The following PCDH15 variants were observed in gnomAD, a reference collection of about 807,000 sequenced individuals.
The protein encoded by PCDH15 is protocadherin related 15.
In PCDH15, 129 loss-of-function variants were observed where a neutral mutation model predicts 178.5. The ratio of observed to expected loss-of-function variants is 0.72; its 90% CI spans 0.63 to 0.84. The LOEUF (loss-of-function observed/expected upper bound fraction) is 0.84, where lower values mean the gene tolerates loss of function less well. Among genes scored for constraint, PCDH15 ranks in the 40% least tolerant of loss-of-function variants. The pLI, the probability that PCDH15 is intolerant of heterozygous loss-of-function variation, is 0.00. For synonymous variants in PCDH15, 800 were observed against 732.0 expected, an observed-to-expected ratio of 1.09 and a Z score of -1.50; for missense variants, 2,230 against 2,099.9, an observed-to-expected ratio of 1.06 and a Z score of -1.21.
chr10:55,604,961 G>A (rs1285221726), intron 2 of PCDH15, among the ~76,000 whole-genome samples: 2 of 151,982 alleles, frequency 1.3e-5, no homozygotes, highest in Admixed American at 6.6e-5. Flanking sequence ...CCAGGAGCTG[G>A]TTTTTCGAAA....
At chr10:54,824,804 A>G (rs1173826836) in intron 3 of PCDH15, among the ~76,000 whole-genome samples, 2 of 152,086 alleles carry the variant, frequency 1.3e-5, no homozygotes, top group African/African-American at 4.8e-5. Context: ...TACCCTCAAG[A>G]TGGGAAAATG....
intron 2 of PCDH15, among the ~76,000 whole-genome samples, chr10:55,445,060 T>A (rs1050188295): frequency 1.3e-5 from 2 of 152,008 alleles, no homozygotes; most frequent in Non-Finnish European, 2.9e-5. Context: ...TAAATATGAA[T>A]GAAACTCCCA....
intron 2 of PCDH15, among the ~76,000 whole-genome samples, chr10:54,954,495 C>T (rs1363970314): frequency 6.6e-6 from 1 of 151,132 alleles, no homozygotes; most frequent in Non-Finnish European, 1.5e-5. Flanking sequence ...TGAAATTTAG[C>T]AATTTTGCTA....
intron 37 of PCDH15, chr10:53,808,869 C>G: frequency 1.9e-6 from 3 of 1,605,254 alleles, no homozygotes; most frequent in Non-Finnish European, 2.6e-6. Context: ...CTCCTTCCAC[C>G]GAAGCTGATT....
At chr10:54,699,689 T>A (rs1565976337) in intron 1 of PCDH15, among the ~76,000 whole-genome samples, 1 of 152,058 alleles carries the variant, frequency 6.6e-6, no homozygotes. Flanking sequence ...TTTTACCTAA[T>A]ATTCCTTATA....
intron 6 of PCDH15, among the ~76,000 whole-genome samples, chr10:54,343,798 TAAAAAATA>T (rs2134120584): frequency 1.4e-5 from 2 of 147,748 alleles, no homozygotes; most frequent in Admixed American, 1.3e-4. Flanking sequence ...AGTAAAATAA[TAAAAAATA>T]AAAAATAAAA....
intron 3 of PCDH15, among the ~76,000 whole-genome samples, chr10:54,446,890 G>A (rs2076172940): frequency 6.6e-6 from 1 of 151,440 alleles, no homozygotes; most frequent in East Asian, 1.9e-4. Flanking sequence ...AAAAACATTC[G>A]CAGAAGGAAA....
chr10:55,602,969 C>T (rs1229371013), intron 2 of PCDH15, among the ~76,000 whole-genome samples: 1 of 151,928 alleles, frequency 6.6e-6, no homozygotes, highest in East Asian at 1.9e-4. Flanking sequence ...AAACGAAAGG[C>T]AAAGAAGTTG....
chr10:55,169,984 AAAGGAAGG>A (rs10557432), intron 1 of PCDH15, among the ~76,000 whole-genome samples: 5 of 151,000 alleles, frequency 3.3e-5, no homozygotes, highest in Non-Finnish European at 3.0e-5. Flanking sequence ...CTGATAGAAT[AAAGGAAGG>A]AAGGAAGGAA....
chr10:53,828,612 CA>C, intron 30 of PCDH15, 39 bp from the exon 31 acceptor site: 4 of 1,481,324 alleles, frequency 2.7e-6, no homozygotes, highest in Non-Finnish European at 3.8e-6. Flanking sequence ...TAGAAAGCTA[CA>C]TTAGAACTAT....
chr10:55,552,608 A>C (rs896279526), intron 2 of PCDH15, among the ~76,000 whole-genome samples: 5 of 151,428 alleles, frequency 3.3e-5, no homozygotes, highest in African/African-American at 1.2e-4. Flanking sequence ...CATAATTTGA[A>C]AAAATATACA....
intron 1 of PCDH15, among the ~76,000 whole-genome samples, chr10:55,201,811 C>A (rs1840258376): frequency 6.6e-6 from 1 of 152,046 alleles, no homozygotes; most frequent in Non-Finnish European, 1.5e-5. Context: ...ACTGCTTTTT[C>A]TTTTTTAAAT....
chr10:54,760,841 G>A (rs1348582994), intron 1 of PCDH15, among the ~76,000 whole-genome samples: 2 of 152,086 alleles, frequency 1.3e-5, no homozygotes, highest in African/African-American at 4.8e-5. Context: ...AGGAGTATGG[G>A]TAAACTGAAG....
At chr10:53,914,653 T>C (rs1001638295) in intron 25 of PCDH15, among the ~76,000 whole-genome samples, 9 of 152,044 alleles carry the variant, frequency 5.9e-5, no homozygotes, top group African/African-American at 1.5e-4. Context: ...TTAGGAGAAA[T>C]ACCTAATGTA....
chr10:55,200,243 G>T (rs941275654), intron 1 of PCDH15, among the ~76,000 whole-genome samples: 1 of 152,142 alleles, frequency 6.6e-6, no homozygotes, highest in South Asian at 2.1e-4. Context: ...TTGGGGGCCC[G>T]TCCTTTGCAT....
intron 2 of PCDH15, among the ~76,000 whole-genome samples, chr10:55,131,374 A>G (rs1202490052): frequency 1.3e-5 from 2 of 152,156 alleles, no homozygotes; most frequent in Admixed American, 1.3e-4. Context: ...AGAGGGTGTC[A>G]AAGCCCTGGC....
At chr10:54,600,841 C>A (rs545535500) in intron 2 of PCDH15, among the ~76,000 whole-genome samples, 1 of 151,908 alleles carries the variant, frequency 6.6e-6, no homozygotes, top group Non-Finnish European at 1.5e-5. Context: ...GTGTGCTCCC[C>A]CCTCAGTCTT....
chr10:55,178,243 A>G (rs1010081996), intron 1 of PCDH15, among the ~76,000 whole-genome samples: 2 of 152,166 alleles, frequency 1.3e-5, no homozygotes, highest in African/African-American at 2.4e-5. Context: ...AGGGAAATAC[A>G]TTGGCAGACC....
chr10:54,087,621 C>T (rs1360311413), intron 16 of PCDH15, among the ~76,000 whole-genome samples: 1 of 152,148 alleles, frequency 6.6e-6, no homozygotes, highest in South Asian at 2.1e-4. Flanking sequence ...TTTCTTTGTG[C>T]AAACTATTAT....
Sources: gnomAD v4.1 joint callset for allele counts (sites outside exome capture counted in the v4.1 genomes callset) on GRCh38, gnomAD v4.1.1 for gene constraint, MANE v1.5 for transcripts, NCBI Gene and HGNC (gene_info 2026-07-23, HGNC 2026-07-21) for gene names.